CHN2: variants seen among roughly 807,000 people sequenced by gnomAD.
CHN2 encodes the protein beta-chimaerin.
Under a neutral mutation model 56.3 loss-of-function variants are expected in CHN2, and 35 were observed. That is an observed-to-expected ratio of 0.62 (90% CI 0.47 to 0.82). The LOEUF (loss-of-function observed/expected upper bound fraction) is 0.82, where lower values mean the gene tolerates loss of function less well. Among genes scored for constraint, CHN2 ranks in the 40% least tolerant of loss-of-function variants. The pLI is 0.00. For missense variants in CHN2, 491 were observed against 580.5 expected, an observed-to-expected ratio of 0.85 and a Z score of 1.58; for synonymous variants, 210 against 212.8, an observed-to-expected ratio of 0.99 and a Z score of 0.12.
At chr7:29,181,866 G>GC (rs1309644649) in intron 2 of CHN2, among the ~76,000 whole-genome samples, 1 of 151,906 alleles carries the variant, frequency 6.6e-6, no homozygotes, top group Non-Finnish European at 1.5e-5. Flanking sequence ...CCTAAGGGGG[G>GC]GAAAAGTACC....
chr7:29,378,379 G>C (rs1476171471), intron 3 of CHN2, among the ~76,000 whole-genome samples: 2 of 152,216 alleles, frequency 1.3e-5, no homozygotes, highest in African/African-American at 4.8e-5. Context: ...TGTGTTTTGA[G>C]CTAAGAATAA....
chr7:29,229,211 AG>A (rs994221984), intron 1 of CHN2, among the ~76,000 whole-genome samples: 11 of 152,310 alleles, frequency 7.2e-5, no homozygotes, highest in African/African-American at 2.6e-4. Flanking sequence ...AGCTAGAAAA[AG>A]GACAAAGGTA....
chr7:29,160,672 G>A (rs1290026335), intron 2 of CHN2, among the ~76,000 whole-genome samples: 5 of 152,142 alleles, frequency 3.3e-5, no homozygotes, highest in Admixed American at 1.3e-4. Flanking sequence ...TTGTGAAAAC[G>A]TGATGATGCC....
Position 29,507,360 on chromosome 7 carries a change from C to A in CHN2, c.1124C>A (p.Ala375Glu). ...GATACCTATTCCAAATTTATAGATG[C>A]AGCAAGTAAGTACTTCAAATTAATT... ...TYDTYSKFID[A>E]AKISNADERL... Residue 375 changes from alanine to glutamate, a missense_variant, in exon 11 of 13, where the codon GCA (alanine) becomes GAA (glutamate). Coordinates refer to ENST00000222792, the MANE Select transcript of CHN2 (RefSeq NM_004067.4). 6.2e-7 allele frequency: 1 copy of A among 1,601,734 alleles called. No homozygotes were observed. Among genetic ancestry groups the A allele is most frequent in the Non-Finnish European group, 8.5e-7 (1 of 1,174,988 alleles).
At chr7:29,388,025 G>A (rs1801060501) in intron 3 of CHN2, among the ~76,000 whole-genome samples, 1 of 152,108 alleles carries the variant, frequency 6.6e-6, no homozygotes, top group Non-Finnish European at 1.5e-5. Context: ...AGATTGTCAG[G>A]TAATTATTTA....
chr7:29,170,888 G>A (rs931196456), intron 2 of CHN2, among the ~76,000 whole-genome samples: 3 of 152,070 alleles, frequency 2.0e-5, no homozygotes, highest in Non-Finnish European at 4.4e-5. Flanking sequence ...TCCCCTTATA[G>A]CAACTATCAG....
At chr7:29,444,162 A>G (rs1783867422) in intron 6 of CHN2, among the ~76,000 whole-genome samples, 1 of 152,206 alleles carries the variant, frequency 6.6e-6, no homozygotes, top group Admixed American at 6.5e-5. Context: ...AAATGGATTA[A>G]CAGTGTAAAT....
At chr7:29,349,275 T>G (rs992994548) in intron 1 of CHN2, among the ~76,000 whole-genome samples, 2 of 152,208 alleles carry the variant, frequency 1.3e-5, no homozygotes, top group Non-Finnish European at 1.5e-5. Flanking sequence ...GTGAAACATA[T>G]TTGTGATTTT....
intron 6 of CHN2, among the ~76,000 whole-genome samples, chr7:29,429,202 A>G (rs1370762618): frequency 6.6e-6 from 1 of 152,228 alleles, no homozygotes; most frequent in Non-Finnish European, 1.5e-5. Context: ...TCATATACTC[A>G]GACCACTTCA....
Position 29,456,609 on chromosome 7 carries a change from G to GCC in CHN2, c.577-23666_577-23665dup, listed in dbSNP as rs1218067011. 1.4e-3 allele frequency among the ~76,000 whole-genome samples: 29 copies of GCC among 20,764 alleles called. No individual in the cohort carries two copies. The East Asian group carries it at 0.064, about 46-fold the overall frequency. The allele number at this position is 20,764 out of a possible 152,430, so 13.6% of individuals were successfully genotyped here. A position where few individuals can be genotyped will look rare whatever the true frequency, so the allele number is the denominator to read the frequency against. On this transcript the variant is annotated intron_variant, in intron 6 of 12. Transcript: ENST00000222792. Reference sequence around the variant, plus strand: ...CAGATTCCTGCCCCTGCCACCACCCGCCCCCTCCCCCCCACCACCACCACC... The same window carrying GCC: ...CAGATTCCTGCCCCTGCCACCACCCGCCCCCCCTCCCCCCCACCACCACCACC...
chr7:29,186,523 T>TGCTGTAGCA (rs1798737981), intron 2 of CHN2: 1 of 150,918 alleles, frequency 6.6e-6, no homozygotes, highest in South Asian at 2.1e-4. Context: ...AGCAGTGAGC[T>TGCTGTAGCA]GTGATCGTGT....
intron 6 of CHN2, among the ~76,000 whole-genome samples, chr7:29,461,374 A>T (rs185591687): frequency 6.6e-6 from 1 of 152,310 alleles, no homozygotes; most frequent in Non-Finnish European, 1.5e-5. Flanking sequence ...ACAAAGAAGG[A>T]TGATATCAGA....
intron 1 of CHN2, among the ~76,000 whole-genome samples, chr7:29,211,656 T>C (rs147706113): frequency 6.6e-6 from 1 of 152,266 alleles, no homozygotes; most frequent in African/African-American, 2.4e-5. Flanking sequence ...GGAAAACAGA[T>C]TAGAAATTGG....
At chr7:29,180,895 AT>A (rs2128742425) in intron 2 of CHN2, among the ~76,000 whole-genome samples, 1 of 152,324 alleles carries the variant, frequency 6.6e-6, no homozygotes, top group Admixed American at 6.5e-5. Context: ...TTGCAGTGTA[AT>A]TGAAAAGAGT....
At chr7:29,371,725 A>G (rs1464737697) in intron 3 of CHN2, among the ~76,000 whole-genome samples, 1 of 152,210 alleles carries the variant, frequency 6.6e-6, no homozygotes, top group Non-Finnish European at 1.5e-5. Flanking sequence ...TGTTCAGAAT[A>G]GAACTAGGCC....
At chr7:29,405,221 A>ACACACACACACG (rs1802552624) in intron 6 of CHN2, among the ~76,000 whole-genome samples, 1 of 141,424 alleles carries the variant, frequency 7.1e-6, no homozygotes, top group Non-Finnish European at 1.5e-5. Context: ...ACACACACAC[A>ACACACACACACG]CGGCAGTTCC....
At chr7:29,432,756 G>A (rs140068899) in intron 6 of CHN2, among the ~76,000 whole-genome samples, 124 of 152,228 alleles carry the variant, frequency 8.1e-4, no homozygotes, top group African/African-American at 2.8e-3. Context: ...TATGCGTCAC[G>A]GGTAATCCTG....
intron 1 of CHN2, among the ~76,000 whole-genome samples, chr7:29,216,408 T>C (rs1377892435): frequency 6.6e-6 from 1 of 152,236 alleles, no homozygotes; most frequent in East Asian, 1.9e-4. Flanking sequence ...AATGGGCAAG[T>C]GTGCCCATTT....
intron 6 of CHN2, among the ~76,000 whole-genome samples, chr7:29,476,558 AATT>A (rs1167596597): frequency 3.3e-5 from 2 of 61,188 alleles, no homozygotes; most frequent in African/African-American, 2.2e-4. Flanking sequence ...CACCAATAAA[AATT>A]AAAAAAAAAA....
Sources: gnomAD v4.1 joint callset for allele counts (sites outside exome capture counted in the v4.1 genomes callset) on GRCh38, gnomAD v4.1.1 for gene constraint, MANE v1.5 for transcripts, NCBI Gene and HGNC (gene_info 2026-07-23, HGNC 2026-07-21) for gene names.